Variants in LSG1 observed in about 807,000 individuals in gnomAD.
LSG1 encodes the protein large 60S subunit nuclear export GTPase 1.
A neutral mutation model predicts 82.6 loss-of-function variants in LSG1; 55 were observed. The observed-to-expected ratio is 0.67, with a 90% CI of 0.54 to 0.83. LSG1 has a LOEUF of 0.83. Ranked by LOEUF, LSG1 falls within the 40% of genes least tolerant of loss-of-function variation. The pLI is 0.00. For missense variants in LSG1, 809 were observed against 807.9 expected, an observed-to-expected ratio of 1.00 and a Z score of -0.02; for synonymous variants, 272 against 282.5, an observed-to-expected ratio of 0.96 and a Z score of 0.37.
At position 194,642,054 on chromosome 3, in the gene LSG1, G is replaced by A. The variant is rs1718404349; in HGVS notation, c.*14C>T. ...TCTGCACAATGCAGATGACATTTCT[G>A]TTGCAGCCCAACCTCACATATCCAG... On this transcript the variant is annotated 3_prime_UTR_variant, in exon 14 of 14. Coordinates refer to ENST00000265245, the MANE Select transcript of LSG1 (RefSeq NM_018385.3). The A allele has an allele frequency of 2.5e-6, 4 of 1,610,850 alleles. No homozygotes were observed. Among genetic ancestry groups the A allele is most frequent in the African/African-American group, 1.3e-5 (1 of 74,784 alleles).
chr3:194,644,386 ATAAATAAATAAATAAAT>A (rs1718470253), intron 13 of LSG1, among the ~76,000 whole-genome samples, 170 bp downstream of exon 13: 1 of 95,116 alleles, frequency 1.1e-5, no homozygotes, highest in Non-Finnish European at 2.2e-5. Context: ...AAAAATAAAA[ATAAATAAATAAATAAAT>A]AAATAAATAA....
intron 13 of LSG1, among the ~76,000 whole-genome samples, 166 bp downstream of exon 13, chr3:194,644,407 T>TAAA (rs1718473523): frequency 6.9e-6 from 1 of 145,160 alleles, no homozygotes; most frequent in Admixed American, 6.8e-5. Context: ...AATAAATAAA[T>TAAA]AAATAAATAA....
rs1718860899 is a variant in LSG1 at position 194,658,846 on chromosome 3, C to T, written c.759+111G>A. On this transcript the variant is annotated intron_variant, in intron 7 of 13. Coordinates refer to ENST00000265245, the MANE Select transcript of LSG1 (RefSeq NM_018385.3). ...CCTAATCCAGCACACAGAGGAAAAA[C>T]TCTAATTCCCACAGATTTTCCATAA... 3.6e-6 allele frequency: 4 copies of T among 1,123,088 alleles called. No homozygotes were observed. The South Asian group carries it at 6.2e-5, about 17-fold the overall frequency. 69.6% of individuals were successfully genotyped at this position (1,123,088 alleles called of 1,614,324 possible). A position where few individuals can be genotyped will look rare whatever the true frequency, so the allele number is the denominator to read the frequency against.
At chr3:194,661,306 G>GA (rs1257272319) in intron 5 of LSG1, among the ~76,000 whole-genome samples, 1 of 152,060 alleles carries the variant, frequency 6.6e-6, no homozygotes, top group African/African-American at 2.4e-5. Flanking sequence ...AATAGTGAAT[G>GA]AAAAAATGAT....
In LSG1 at chr3:194,642,208, T is replaced by A; in HGVS notation, c.1837A>T (p.Met613Leu). ...ACACCACTCCCGGGCTTGTAACCCA[T>A]CACAGCCTGGACTCCTTTGGTCAAA... Reference protein sequence around the residue: ...RALTKGVQAVMGYKPGSGVVT... With the variant: ...RALTKGVQAVLGYKPGSGVVT... The change falls in exon 14 of 14, where the codon ATG (methionine) becomes TTG (leucine). Residue 613 changes from methionine (M) to leucine (L), a missense_variant. By Grantham distance (15) the Met-to-Leu change is conservative. Transcript: ENST00000265245. 1 of 1,614,078 alleles carries A rather than the reference T, an allele frequency of 6.2e-7. No individual in the cohort carries two copies. The highest frequency in any genetic ancestry group is 8.5e-7 in the Non-Finnish European group (1 of 1,179,996).
At chr3:194,646,104 G>C (rs1011716266) in intron 12 of LSG1, 60 bp downstream of exon 12, 5 of 1,507,494 alleles carry the variant, frequency 3.3e-6, no homozygotes, top group Non-Finnish European at 4.6e-6. Context: ...CATTATCTAA[G>C]AACGCAGAAT....
chr3:194,659,241 C>A (rs1718872545), intron 6 of LSG1, 108 bp from the exon 7 acceptor site: 1 of 806,550 alleles, frequency 1.2e-6, no homozygotes, highest in Non-Finnish European at 2.0e-6. Context: ...AGTTTTAAAT[C>A]ATTTCCTAAT....
At position 194,653,139 on chromosome 3, in the gene LSG1, C is replaced by A. The variant is rs763878179; in HGVS notation, c.763G>T (p.Glu255Ter). Reference protein sequence around the residue: ...AIPLNGDSEEEANRDDRQSNT... With the variant: ...AIPLNGDSEE ...CTTTGTCTATCATCTCTGTTTGCCT[C>A]TTCCTGACAAAATAATAGAAACGCT... The change falls in exon 8 of 14, where the codon GAG (glutamate) becomes TAG (stop). Residue 255 changes from glutamate (E) to a stop codon, truncating the protein, a stop_gained. Transcript: ENST00000265245. LOFTEE classifies it high-confidence loss of function. 6.2e-7 allele frequency: 1 copy of A among 1,611,902 alleles called. No individual in the cohort carries two copies. Among genetic ancestry groups the A allele is most frequent in the South Asian group, 1.1e-5 (1 of 90,896 alleles).
intron 9 of LSG1, 31 bp from the exon 10 acceptor site, chr3:194,651,055 T>C: frequency 1.2e-6 from 2 of 1,614,022 alleles, no homozygotes; most frequent in Non-Finnish European, 1.7e-6. Flanking sequence ...TTGAGCTGGG[T>C]ATACAACAGA....
Position 194,669,414 on chromosome 3 carries a change from G to A in LSG1, c.226+595C>T, listed in dbSNP as rs147138311. Among the ~76,000 whole-genome samples the A allele has an allele frequency of 1.6e-4, 24 of 152,170 alleles. No individual in the cohort carries two copies. The East Asian group carries it at 4.3e-3, about 27-fold the overall frequency. Reference sequence around the variant, plus strand: ...TGAAATCTGAAATCATGTTGTACACGTGCTTAAAGCCCTGTAAAGCCTTAA... The same window carrying A: ...TGAAATCTGAAATCATGTTGTACACATGCTTAAAGCCCTGTAAAGCCTTAA... On this transcript the variant is annotated intron_variant, in intron 2 of 13. Transcript: ENST00000265245.
At chr3:194,646,399 A>G (rs1321562732) in intron 11 of LSG1, 156 bp from the exon 12 acceptor site, 6 of 550,430 alleles carry the variant, frequency 1.1e-5, no homozygotes, top group South Asian at 7.4e-5. Context: ...CATTAAAAAC[A>G]CTAGATAATC....
intron 11 of LSG1, among the ~76,000 whole-genome samples, chr3:194,646,786 G>A (rs1217837319): frequency 6.6e-6 from 1 of 152,204 alleles, no homozygotes; most frequent in Non-Finnish European, 1.5e-5. Context: ...CTCCCAAAGT[G>A]CTGGGATTAC....
At chr3:194,652,290 A>G (rs1470609051) in intron 8 of LSG1, among the ~76,000 whole-genome samples, 1 of 152,132 alleles carries the variant, frequency 6.6e-6, no homozygotes, top group African/African-American at 2.4e-5. Flanking sequence ...TTATGCAACT[A>G]ATGCATTTGT....
rs746885760 is a variant in LSG1 at position 194,672,176 on chromosome 3, C to A, written c.-14G>T. The stretch of plus-strand genomic sequence containing the variant: ...CCTCCGGCCCATGGCAACACGACCG[C>A]TGGACGAAGCTTCCCGGCTCGGCGC... On this transcript the variant is annotated 5_prime_UTR_variant, in exon 1 of 14. Transcript: ENST00000265245. The A allele has an allele frequency of 6.3e-7, 1 of 1,577,296 alleles. No individual in the cohort carries two copies.
In LSG1 at chr3:194,652,815, GA is replaced by G; in HGVS notation, c.1086del (p.Leu363TrpfsTer20). On this transcript the variant is annotated frameshift_variant, in exon 8 of 14. Coordinates refer to ENST00000265245, the MANE Select transcript of LSG1 (RefSeq NM_018385.3). LOFTEE classifies it high-confidence loss of function. ...PQKRQIHNFS[H>X]LVSKQELLEL... is the part of the protein sequence containing the mutation. ...TCCAGTAACTCCTGCTTGGATACCA[GA>G]TGGCTAAAATTGTGTATCTGCCTCT... is the stretch of plus-strand genomic sequence containing the variant. 1 of 1,614,182 alleles carries G rather than the reference GA, an allele frequency of 6.2e-7. No individual in the cohort carries two copies.
At chr3:194,658,890 C>G in intron 7 of LSG1, 67 bp downstream of exon 7, 1 of 1,425,826 alleles carries the variant, frequency 7.0e-7, no homozygotes, top group Non-Finnish European at 9.6e-7. Flanking sequence ...AAAACACAAA[C>G]GAAGCACATT....
intron 7 of LSG1, among the ~76,000 whole-genome samples, chr3:194,654,149 CT>C (rs746502440): frequency 2.8e-4 from 43 of 152,172 alleles, no homozygotes; most frequent in Non-Finnish European, 8.8e-5. Flanking sequence ...CTCATAATTG[CT>C]TTTAGAAGTC....
chr3:194,653,760 G>T (rs191287105), intron 7 of LSG1, among the ~76,000 whole-genome samples: 196 of 152,290 alleles, frequency 1.3e-3, no homozygotes, highest in African/African-American at 4.5e-3. Context: ...TCTAGGCCGG[G>T]TGCTACGGCT....
intron 2 of LSG1, among the ~76,000 whole-genome samples, chr3:194,667,993 T>C (rs1301508812): frequency 1.5e-5 from 2 of 135,480 alleles, no homozygotes; most frequent in Admixed American, 1.5e-4. Flanking sequence ...ATGATTCACA[T>C]ACTATACAAT....
Sources: gnomAD v4.1 joint callset for allele counts (sites outside exome capture counted in the v4.1 genomes callset) on GRCh38, gnomAD v4.1.1 for gene constraint, MANE v1.5 for transcripts, NCBI Gene and HGNC (gene_info 2026-07-23, HGNC 2026-07-21) for gene names.